RASA1: variants seen among roughly 807,000 people sequenced by gnomAD.
RASA1 encodes RAS p21 protein activator 1, also known as ras GTPase-activating protein 1.
RASA1 carries 25 observed loss-of-function variants against 132.2 expected under a neutral mutation model. The ratio of observed to expected loss-of-function variants is 0.19; its 90% CI spans 0.14 to 0.26. RASA1 has a LOEUF of 0.26. Ranked by LOEUF, RASA1 falls within the 10% of genes least tolerant of loss-of-function variation. The probability of loss-of-function intolerance (pLI) is 1.00; values close to 1 mark genes in which losing one functional copy is unlikely to be tolerated. For synonymous variants in RASA1, 477 were observed against 449.9 expected (o/e 1.06, Z -0.76); for missense variants, 964 against 1,299.2 (o/e 0.74, Z 3.97).
Position 87,385,334 on chromosome 5 carries a change from T to C in RASA1, c.2792T>C (p.Ile931Thr), listed in dbSNP as rs1761993319. Residue 931 changes from isoleucine to threonine, a missense_variant, in exon 22 of 25, where the codon ATA (isoleucine) becomes ACA (threonine). Transcript: ENST00000274376. ...TCTCCTATTGCTGCAAGAACACTGATATTAGTGGCTAAATCTGTGCAGAAC... is the reference window on the plus strand; with the variant it reads ...TCTCCTATTGCTGCAAGAACACTGACATTAGTGGCTAAATCTGTGCAGAAC... ...SPSPIAARTL[I>T]LVAKSVQNLA... 2 of 1,611,610 alleles carry C rather than the reference T, an allele frequency of 1.2e-6. No homozygotes were observed. Among genetic ancestry groups the C allele is most frequent in the Non-Finnish European group, 1.7e-6 (2 of 1,177,984 alleles).
intron 1 of RASA1, among the ~76,000 whole-genome samples, chr5:87,323,522 G>A (rs932676226): frequency 6.6e-6 from 1 of 152,110 alleles, no homozygotes; most frequent in African/African-American, 2.4e-5. Flanking sequence ...TGTTCTTTGA[G>A]GCATATTTCA....
chr5:87,384,282 C>G (rs1438891257), intron 21 of RASA1, among the ~76,000 whole-genome samples: 1 of 152,090 alleles, frequency 6.6e-6, no homozygotes, highest in African/African-American at 2.4e-5. Context: ...TTTTAAACTT[C>G]AGTAAACCTG....
At chr5:87,276,380 G>A (rs979981344) in intron 1 of RASA1, among the ~76,000 whole-genome samples, 8 of 152,142 alleles carry the variant, frequency 5.3e-5, no homozygotes, top group East Asian at 1.9e-4. Flanking sequence ...TTTGTGCTGC[G>A]TTAAAAATTG....
At chr5:87,340,902 A>G (rs961437807) in intron 5 of RASA1, among the ~76,000 whole-genome samples, 1 of 152,128 alleles carries the variant, frequency 6.6e-6, no homozygotes, top group Admixed American at 6.5e-5. Context: ...TGTAGACTTG[A>G]GTCCTGTGGT....
intron 8 of RASA1, among the ~76,000 whole-genome samples, chr5:87,350,764 T>C (rs1358431655): frequency 2.0e-5 from 3 of 151,646 alleles, no homozygotes; most frequent in African/African-American, 7.2e-5. Flanking sequence ...GCCTTGACCA[T>C]TCCCCCAGAA....
chr5:87,269,913 T>G (rs900296281), intron 1 of RASA1, among the ~76,000 whole-genome samples: 1 of 152,158 alleles, frequency 6.6e-6, no homozygotes, highest in African/African-American at 2.4e-5. Flanking sequence ...AAACTTGTTA[T>G]AGATTTCTCA....
At chr5:87,314,465 G>A (rs989081840) in intron 1 of RASA1, among the ~76,000 whole-genome samples, 1 of 152,204 alleles carries the variant, frequency 6.6e-6, no homozygotes. Context: ...GGAAATGACA[G>A]GATGGAAGAA....
At chr5:87,287,001 A>G (rs1754609708) in intron 1 of RASA1, among the ~76,000 whole-genome samples, 1 of 147,804 alleles carries the variant, frequency 6.8e-6, no homozygotes, top group Admixed American at 6.8e-5. Flanking sequence ...CACCATATAT[A>G]TACCATATAT....
At position 87,331,365 on chromosome 5, in the gene RASA1, T is replaced by C; in HGVS notation, c.557T>C (p.Leu186Pro). 6.2e-7 allele frequency: 1 copy of C among 1,610,958 alleles called. No homozygotes were observed. The highest frequency in any genetic ancestry group is 8.5e-7 in the Non-Finnish European group (1 of 1,177,182). Residue 186 changes from leucine (L) to proline (P), a missense_variant, in exon 2 of 25, where the codon CTT becomes CCT. Coordinates refer to ENST00000274376, the MANE Select transcript of RASA1 (RefSeq NM_002890.3). ...PPTNQWYHGK[L>P]DRTIAEERLR... is the part of the protein sequence containing the mutation. ...TCCCCTAGGTGGTATCACGGAAAAC[T>C]TGACAGAACGATAGCAGAAGAACGC... is the stretch of plus-strand genomic sequence containing the variant.
chr5:87,320,079 C>T (rs1023920957), intron 1 of RASA1, among the ~76,000 whole-genome samples: 5 of 152,184 alleles, frequency 3.3e-5, no homozygotes, highest in African/African-American at 9.7e-5. Context: ...CCAGTCTCTG[C>T]TAAATCATAG....
rs1760993404 is a variant in RASA1 at position 87,372,100 on chromosome 5, T to C, written c.1699-18T>C. 6.2e-7 allele frequency: 1 copy of C among 1,610,674 alleles called. No individual in the cohort carries two copies. The highest frequency in any genetic ancestry group is 1.7e-5 in the Admixed American group (1 of 59,702). On this transcript the variant is annotated intron_variant, in intron 12 of 24. Coordinates refer to ENST00000274376, the MANE Select transcript of RASA1 (RefSeq NM_002890.3). ...TAAACTAGTGTATATTTCTTTGAAGTGCTGTTTTTCTTTGCAGGATTGGAT... is the reference window on the plus strand; with the variant it reads ...TAAACTAGTGTATATTTCTTTGAAGCGCTGTTTTTCTTTGCAGGATTGGAT...
chr5:87,387,743 A>G (rs1432587233), intron 23 of RASA1, among the ~76,000 whole-genome samples: 1 of 152,182 alleles, frequency 6.6e-6, no homozygotes, highest in Non-Finnish European at 1.5e-5. Flanking sequence ...AACCTCAGGT[A>G]TAAAAACTAG....
In RASA1 at chr5:87,270,378, C is replaced by G. The variant is rs960485251; in HGVS notation, c.539+1388C>G. ...TCCCCCCACCCCAGAGATGGAGTCT[C>G]GCCTTGTTGCCCAGGCTGGAGTGCA... is the stretch of plus-strand genomic sequence containing the variant. On this transcript the variant is annotated intron_variant, in intron 1 of 24. Coordinates refer to ENST00000274376, the MANE Select transcript of RASA1 (RefSeq NM_002890.3). Among the ~76,000 whole-genome samples the G allele has an allele frequency of 1.4e-4, 21 of 148,802 alleles. 1 individual carries two copies. The highest frequency in any genetic ancestry group is 4.7e-4 in the African/African-American group (19 of 40,544).
chr5:87,371,585 A>C (rs1295819096), intron 12 of RASA1, among the ~76,000 whole-genome samples: 4 of 152,250 alleles, frequency 2.6e-5, no homozygotes. Context: ...TATATTTGAG[A>C]AGCTTAAAAA....
intron 8 of RASA1, among the ~76,000 whole-genome samples, 198 bp from the exon 9 acceptor site, chr5:87,352,959 G>T (rs1466588300): frequency 6.6e-6 from 1 of 151,832 alleles, no homozygotes; most frequent in Non-Finnish European, 1.5e-5. Flanking sequence ...ATTCTGGCCT[G>T]TAAATCTATA....
chr5:87,374,145 ATATTT>A lies in RASA1; in HGVS notation c.1777-16_1777-12del. 1.0e-5 allele frequency: 14 copies of A among 1,348,352 alleles called. No homozygotes were observed. The highest frequency in any genetic ancestry group is 4.6e-5 in the African/African-American group (3 of 65,018). The allele number at this position is 1,348,352 out of a possible 1,614,324, so 83.5% of individuals were successfully genotyped here. A position where few individuals can be genotyped will look rare whatever the true frequency, so the allele number is the denominator to read the frequency against. On this transcript the variant is annotated splice_polypyrimidine_tract_variant and intron_variant, in intron 13 of 24. Coordinates refer to ENST00000274376, the MANE Select transcript of RASA1 (RefSeq NM_002890.3). ...GAAATCTGGGGTAATATATATATAT[ATATTT>A]TTTTTTTTTTAGGTCAGCAGCCTTG...
At chr5:87,384,197 C>G (rs1336354997) in intron 21 of RASA1, among the ~76,000 whole-genome samples, 1 of 152,098 alleles carries the variant, frequency 6.6e-6, no homozygotes, top group African/African-American at 2.4e-5. Flanking sequence ...TCTGTGAGTA[C>G]TTATGAAGAA....
At chr5:87,284,051 A>G (rs1360080321) in intron 1 of RASA1, among the ~76,000 whole-genome samples, 3 of 152,166 alleles carry the variant, frequency 2.0e-5, no homozygotes, top group Non-Finnish European at 4.4e-5. Flanking sequence ...TCTTTTTGAC[A>G]GATTTTTAAA....
intron 23 of RASA1, 139 bp from the exon 24 acceptor site, chr5:87,389,254 C>T: frequency 9.5e-7 from 1 of 1,056,950 alleles, no homozygotes; most frequent in Non-Finnish European, 1.4e-6. Context: ...TCGCTTGAAC[C>T]CGGGAGGCGG....
Sources: allele counts gnomAD v4.1 joint callset (sites outside exome capture counted in the v4.1 genomes callset), GRCh38; gene constraint gnomAD v4.1.1; transcripts MANE v1.5; gene names NCBI Gene and HGNC (gene_info 2026-07-23, HGNC 2026-07-21).